LIN54: variants seen among roughly 807,000 people sequenced by gnomAD.
LIN54 encodes lin-54 DREAM MuvB core complex component.
Under a neutral mutation model 78.7 loss-of-function variants are expected in LIN54, and 9 were observed. The ratio of observed to expected loss-of-function variants is 0.11; its 90% CI spans 0.07 to 0.20. LIN54 has a LOEUF of 0.20. Among genes scored for constraint, LIN54 ranks in the 10% least tolerant of loss-of-function variants. The probability of loss-of-function intolerance (pLI) is 1.00; values close to 1 mark genes in which losing one functional copy is unlikely to be tolerated. For synonymous variants in LIN54, 269 were observed against 318.4 expected (o/e 0.84, Z 1.65); for missense variants, 573 against 889.9 (o/e 0.64, Z 4.53).
chr4:82,964,927 G>A (rs951626376), intron 4 of LIN54, among the ~76,000 whole-genome samples: 8 of 152,120 alleles, frequency 5.3e-5, no homozygotes, highest in Non-Finnish European at 1.0e-4. Flanking sequence ...GAACCCGGGA[G>A]GCAGAGGTTG....
At chr4:82,982,617 A>G (rs917407542) in intron 2 of LIN54, among the ~76,000 whole-genome samples, 3 of 152,230 alleles carry the variant, frequency 2.0e-5, no homozygotes, top group Non-Finnish European at 4.4e-5. Flanking sequence ...TTCAAAACTG[A>G]GGACAAGATG....
rs1332881995 is a variant in LIN54 at position 82,937,249 on chromosome 4, T to C, written c.1582A>G (p.Thr528Ala). The change falls in exon 9 of 13, where the codon ACA (threonine) becomes GCA (alanine). Residue 528 changes from threonine to alanine, a missense_variant. By Grantham distance (58) the Thr-to-Ala change is moderately conservative. Transcript: ENST00000340417. ...ASRPRKPCNC[T>A]KSLCLKLYCD... ...TACAATTTCAAACACAGTGATTTTGTACAATTACAGGGCTTTCGGGGCCGA... is the reference window on the plus strand; with the variant it reads ...TACAATTTCAAACACAGTGATTTTGCACAATTACAGGGCTTTCGGGGCCGA... The C allele has an allele frequency of 6.6e-7, 1 of 1,510,304 alleles. No homozygotes were observed. 93.6% of individuals were successfully genotyped at this position (1,510,304 alleles called of 1,614,324 possible). A position where few individuals can be genotyped will look rare whatever the true frequency, so the allele number is the denominator to read the frequency against.
chr4:82,928,192 C>G lies in LIN54; in HGVS notation c.2160G>C (p.Arg720=). 1 of 1,614,258 alleles carries G rather than the reference C, an allele frequency of 6.2e-7. No individual in the cohort carries two copies. Among genetic ancestry groups the G allele is most frequent in the Non-Finnish European group, 8.5e-7 (1 of 1,180,042 alleles). Residue 720 remains arginine, a synonymous_variant, in exon 13 of 13, where the codon CGG becomes CGC. Transcript: ENST00000340417. ...KKGKSKAAAE[R]MILEEFGRCL... ...ATCGTCCGAATTCCTCAAGTATCAT[C>G]CGTTCCGCTGCTGCCTTTGATTTTC...
chr4:82,975,699 C>T (rs1369412164), intron 3 of LIN54, among the ~76,000 whole-genome samples: 1 of 148,606 alleles, frequency 6.7e-6, no homozygotes, highest in Non-Finnish European at 1.5e-5. Flanking sequence ...GCAAAAAGAG[C>T]GAAAACTCCA....
chr4:82,936,796 T>C (rs929273145), intron 9 of LIN54, among the ~76,000 whole-genome samples: 2 of 152,238 alleles, frequency 1.3e-5, no homozygotes, highest in Admixed American at 6.5e-5. Flanking sequence ...CTTTGGATTC[T>C]ATGCCCCAAT....
rs1182705174 is a variant in LIN54, at chr4:82,925,281, C to G, written c.*2821G>C. On this transcript the variant is annotated 3_prime_UTR_variant, in exon 13 of 13. Transcript: ENST00000340417. ...CTGGAGTGCAGTGGTGTAATTTTGA[C>G]TCACTACAGCCTCAACCTCTGCAGG... The G allele has an allele frequency of 6.6e-6, 1 of 152,222 alleles. No individual in the cohort carries two copies. The highest frequency in any genetic ancestry group is 1.5e-5 in the Non-Finnish European group (1 of 68,046). The allele number at this position is 152,222 out of a possible 1,614,324, so 9.4% of individuals were successfully genotyped here. A position where few individuals can be genotyped will look rare whatever the true frequency, so the allele number is the denominator to read the frequency against.
upstream of LIN54, among the ~76,000 whole-genome samples, chr4:83,011,360 A>G (rs1451899315): frequency 6.6e-6 from 1 of 152,216 alleles, no homozygotes. Flanking sequence ...AATTTAAAAA[A>G]ATAAAGTTCT....
At chr4:82,939,796 G>A in intron 6 of LIN54, 60 bp from the exon 7 acceptor site, 1 of 1,590,868 alleles carries the variant, frequency 6.3e-7, no homozygotes. Context: ...GTTCAATTCA[G>A]TATAAATCTC....
chr4:82,988,785 TA>T (rs1342006579), intron 1 of LIN54, among the ~76,000 whole-genome samples: 5 of 152,234 alleles, frequency 3.3e-5, no homozygotes, highest in Non-Finnish European at 7.3e-5. Context: ...ATTGTGTTTT[TA>T]ATTTGCAATT....
intron 1 of LIN54, among the ~76,000 whole-genome samples, chr4:82,994,438 C>G (rs1247637032): frequency 6.6e-6 from 1 of 151,664 alleles, no homozygotes; most frequent in Non-Finnish European, 1.5e-5. Context: ...TGCCCTGTCA[C>G]CCATGCTGGA....
At chr4:82,999,919 G>GTC (rs1167673834) in intron 1 of LIN54, among the ~76,000 whole-genome samples, 1 of 151,980 alleles carries the variant, frequency 6.6e-6, no homozygotes, top group Non-Finnish European at 1.5e-5. Flanking sequence ...TTGAGACAGG[G>GTC]TCTCACTCTG....
At chr4:82,952,241 A>AT (rs1723903527) in intron 4 of LIN54, among the ~76,000 whole-genome samples, 1 of 152,230 alleles carries the variant, frequency 6.6e-6, no homozygotes, top group Non-Finnish European at 1.5e-5. Context: ...AGTGATTAAC[A>AT]TTTAGAATAT....
Position 82,939,654 on chromosome 4 carries a change from G to T in LIN54, c.1325C>A (p.Pro442Gln). The T allele has an allele frequency of 6.2e-7, 1 of 1,613,960 alleles. No individual in the cohort carries two copies. The highest frequency in any genetic ancestry group is 8.5e-7 in the Non-Finnish European group (1 of 1,179,800). Residue 442 changes from proline (P) to glutamine (Q), a missense_variant, in exon 7 of 13, where the codon CCA (proline) becomes CAA (glutamine). Coordinates refer to ENST00000340417, the MANE Select transcript of LIN54 (RefSeq NM_194282.4). The part of the protein sequence containing the change: ...PQQRLIMPAT[P>Q]LPQIQPNLTN... ...GAGGTTGGGCTGGATCTGTGGCAGT[G>T]GTGTGGCAGGCATGATAAGCCGTTG...
At chr4:82,928,721 G>A (rs148832164) in intron 12 of LIN54, among the ~76,000 whole-genome samples, 1 of 152,154 alleles carries the variant, frequency 6.6e-6, no homozygotes, top group East Asian at 1.9e-4. Flanking sequence ...ATGAATAGTT[G>A]CTGAATGAAT....
chr4:82,978,065 A>G (rs1726305807), intron 3 of LIN54, among the ~76,000 whole-genome samples: 1 of 145,576 alleles, frequency 6.9e-6, no homozygotes, highest in African/African-American at 2.6e-5. Flanking sequence ...AGGAATGATT[A>G]CTGAGAAAGT....
At chr4:82,980,798 A>G (rs765257760) in intron 2 of LIN54, among the ~76,000 whole-genome samples, 6 of 152,192 alleles carry the variant, frequency 3.9e-5, no homozygotes, top group Admixed American at 3.9e-4. Context: ...TTAGAAAGCC[A>G]TATTAGCAAT....
At position 82,992,824 on chromosome 4, in the gene LIN54, T is replaced by C. The variant is rs570071283; in HGVS notation, c.-32-7948A>G. 5.6e-3 allele frequency among the ~76,000 whole-genome samples: 848 copies of C among 151,624 alleles called. 6 individuals carry two copies. Among genetic ancestry groups the C allele is most frequent in the Non-Finnish European group, 7.9e-3 (533 of 67,702 alleles). ...TGGGTGGATCACGAGGTCAGGAGAT[T>C]GAGACCATCCTGGTTAACACGGTGA... is the stretch of plus-strand genomic sequence containing the variant. On this transcript the variant is annotated intron_variant, in intron 1 of 12. Transcript: ENST00000340417.
rs573075638 is a variant in LIN54, at chr4:82,926,733, G to T, written c.*1369C>A. The T allele has an allele frequency of 2.6e-5, 4 of 152,116 alleles. No individual in the cohort carries two copies. The highest frequency in any genetic ancestry group is 4.4e-5 in the Non-Finnish European group (3 of 68,014). The allele number at this position is 152,116 out of a possible 1,614,324, so 9.4% of individuals were successfully genotyped here. On this transcript the variant is annotated 3_prime_UTR_variant, in exon 13 of 13. Transcript: ENST00000340417. ...TTCCAAATCACTGGCTGAAAATAAT[G>T]CCATATTAAACTTCCCTTATAAAAA... is the stretch of plus-strand genomic sequence containing the variant.
intron 1 of LIN54, among the ~76,000 whole-genome samples, chr4:82,990,545 G>A (rs1354821966): frequency 6.6e-6 from 1 of 151,728 alleles, no homozygotes; most frequent in Non-Finnish European, 1.5e-5. Flanking sequence ...GTGCAGTGGC[G>A]CGATCTCGGC....
Sources: allele counts gnomAD v4.1 joint callset (sites outside exome capture counted in the v4.1 genomes callset), GRCh38; gene constraint gnomAD v4.1.1; transcripts MANE v1.5; gene names NCBI Gene and HGNC (gene_info 2026-07-23, HGNC 2026-07-21).